Variants in MKLN1 observed in about 807,000 individuals in gnomAD.
The protein encoded by MKLN1 is muskelin.
Under a neutral mutation model 99.0 loss-of-function variants are expected in MKLN1, and 18 were observed. The observed-to-expected ratio is 0.18, with a 90% CI of 0.13 to 0.27. The LOEUF (loss-of-function observed/expected upper bound fraction) is 0.27, where lower values mean the gene tolerates loss of function less well. MKLN1 is among the 10% of genes least tolerant of loss of function. The pLI, the probability that MKLN1 is intolerant of heterozygous loss-of-function variation, is 1.00. For missense variants in MKLN1, 621 were observed against 875.9 expected, an observed-to-expected ratio of 0.71 and a Z score of 3.67; for synonymous variants, 288 against 293.2, an observed-to-expected ratio of 0.98 and a Z score of 0.18.
At chr7:131,302,409 A>G (rs1415290898) in intron 3 of MKLN1, among the ~76,000 whole-genome samples, 1 of 152,200 alleles carries the variant, frequency 6.6e-6, no homozygotes, top group Non-Finnish European at 1.5e-5. Context: ...ATGGGAGAAA[A>G]GTGTGGAAGA....
chr7:131,114,195 C>T (rs1185231348), intron 1 of MKLN1, among the ~76,000 whole-genome samples: 2 of 152,196 alleles, frequency 1.3e-5, no homozygotes, highest in East Asian at 1.9e-4. Flanking sequence ...TGCTATCCTT[C>T]CATTTTCATA....
At chr7:131,376,471 G>A (rs1793668538) in intron 2 of MKLN1, among the ~76,000 whole-genome samples, 1 of 150,904 alleles carries the variant, frequency 6.6e-6, no homozygotes, top group African/African-American at 2.4e-5. Context: ...GTAAAACCTT[G>A]TCTCCACTAA....
intron 1 of MKLN1, among the ~76,000 whole-genome samples, chr7:131,111,333 G>A (rs1795195088): frequency 1.3e-5 from 2 of 152,176 alleles, no homozygotes; most frequent in Non-Finnish European, 2.9e-5. Flanking sequence ...TCTTGCTTAT[G>A]TTGTAGCATC....
intron 1 of MKLN1, among the ~76,000 whole-genome samples, chr7:131,341,339 C>T (rs1419912542): frequency 6.6e-6 from 1 of 152,138 alleles, no homozygotes; most frequent in Admixed American, 6.5e-5. Flanking sequence ...TAGCCTTTGG[C>T]TATTATCCAC....
intron 1 of MKLN1, among the ~76,000 whole-genome samples, chr7:131,118,365 C>A (rs1036288422): frequency 6.6e-6 from 1 of 152,116 alleles, no homozygotes; most frequent in Admixed American, 6.5e-5. Flanking sequence ...ACCAGCCTGG[C>A]AAACATGGTG....
chr7:131,387,405 AT>A, intron 3 of MKLN1, 143 bp downstream of exon 3: 1 of 565,736 alleles, frequency 1.8e-6, no homozygotes, highest in Non-Finnish European at 2.7e-6. Context: ...CCTTAGTTTA[AT>A]ACTGTGGCTT....
At chr7:131,365,997 G>A (rs943651835) in intron 1 of MKLN1, among the ~76,000 whole-genome samples, 3 of 152,138 alleles carry the variant, frequency 2.0e-5, no homozygotes, top group African/African-American at 7.2e-5. Flanking sequence ...AATGAAGGGT[G>A]TGAAAGCTCT....
At chr7:131,131,831 CCAA>C (rs1795556714) in intron 1 of MKLN1, among the ~76,000 whole-genome samples, 2 of 152,108 alleles carry the variant, frequency 1.3e-5, no homozygotes, top group South Asian at 4.1e-4. Context: ...GGCAAGAAAA[CCAA>C]CATTTATTGA....
At chr7:131,398,584 C>T (rs532176148) in intron 5 of MKLN1, among the ~76,000 whole-genome samples, 4 of 152,118 alleles carry the variant, frequency 2.6e-5, no homozygotes, top group East Asian at 3.9e-4. Flanking sequence ...AGCTCAGCTA[C>T]TTAGGAGGCT....
intron 1 of MKLN1, among the ~76,000 whole-genome samples, chr7:131,119,408 TG>T (rs1795326795): frequency 6.6e-6 from 1 of 152,258 alleles, no homozygotes; most frequent in African/African-American, 2.4e-5. Flanking sequence ...TGAATGGCTG[TG>T]GCTTTTCCAG....
At position 131,446,162 on chromosome 7, in the gene MKLN1, G is replaced by A. The variant is rs62468087; in HGVS notation, c.1525+259G>A. ...GTGTGCTTGTTGGGGGGCGGGGTAG[G>A]AAGAATCAATATCTTAAAAACTTTT... On this transcript the variant is annotated intron_variant, in intron 12 of 17. Coordinates refer to ENST00000352689, the MANE Select transcript of MKLN1 (RefSeq NM_013255.5). 9.3e-3 allele frequency among the ~76,000 whole-genome samples: 1,422 copies of A among 152,218 alleles called. 8 individuals are homozygous for A. Among genetic ancestry groups the A allele is most frequent in the Non-Finnish European group, 0.014 (949 of 67,994 alleles).
At chr7:131,240,582 C>G (rs1797388352) in intron 3 of MKLN1, among the ~76,000 whole-genome samples, 1 of 152,094 alleles carries the variant, frequency 6.6e-6, no homozygotes. Context: ...TTGGCAAAAC[C>G]TTTCCAGAGG....
intron 1 of MKLN1, among the ~76,000 whole-genome samples, chr7:131,115,893 G>T (rs11767347): frequency 0.26 from 39,027 of 151,984 alleles, 5,162 homozygotes; most frequent in East Asian, 0.36. Context: ...AACCATCCTA[G>T]ATATATTTTT....
intron 6 of MKLN1, among the ~76,000 whole-genome samples, chr7:131,410,287 G>C (rs767393869): frequency 5.9e-5 from 9 of 152,148 alleles, no homozygotes; most frequent in Non-Finnish European, 8.8e-5. Flanking sequence ...TTTAAGAGCT[G>C]TGTGATTTTG....
intron 2 of MKLN1, among the ~76,000 whole-genome samples, chr7:131,384,115 C>T (rs1793935527): frequency 1.3e-5 from 2 of 152,100 alleles, no homozygotes; most frequent in African/African-American, 2.4e-5. Context: ...GCTGCAACCA[C>T]ACTGGCATTT....
At chr7:131,270,779 T>C (rs750247535) in intron 3 of MKLN1, among the ~76,000 whole-genome samples, 15 of 152,048 alleles carry the variant, frequency 9.9e-5, no homozygotes, top group Non-Finnish European at 1.8e-4. Context: ...AGGTTCTAAA[T>C]AAATGTTAAT....
upstream of MKLN1, among the ~76,000 whole-genome samples, chr7:131,325,570 G>C (rs1798868146): frequency 6.6e-6 from 1 of 152,170 alleles, no homozygotes; most frequent in South Asian, 2.1e-4. Flanking sequence ...GGTGATGTCT[G>C]CCTGTGGTCC....
intron 4 of MKLN1, among the ~76,000 whole-genome samples, chr7:131,391,733 A>G (rs959807482): frequency 1.3e-5 from 2 of 152,172 alleles, no homozygotes; most frequent in African/African-American, 4.8e-5. Context: ...ATAGGTAGCT[A>G]TATTGGATAT....
intron 3 of MKLN1, among the ~76,000 whole-genome samples, chr7:131,240,689 A>G (rs1051840159): frequency 2.6e-5 from 4 of 152,264 alleles, no homozygotes; most frequent in African/African-American, 4.8e-5. Flanking sequence ...TCAGATAAAC[A>G]TAACCATTTA....
Sources: allele counts gnomAD v4.1 joint callset (sites outside exome capture counted in the v4.1 genomes callset), GRCh38; gene constraint gnomAD v4.1.1; transcripts MANE v1.5; gene names NCBI Gene and HGNC (gene_info 2026-07-23, HGNC 2026-07-21).